SGCD: variants seen among roughly 807,000 people sequenced by gnomAD.
SGCD encodes delta-sarcoglycan.
A neutral mutation model predicts 36.6 loss-of-function variants in SGCD; 18 were observed. That is an observed-to-expected ratio of 0.49 (90% CI 0.34 to 0.73). The LOEUF (loss-of-function observed/expected upper bound fraction) is 0.73. Ranked by LOEUF, SGCD falls within the 30% of genes least tolerant of loss-of-function variation. The probability of loss-of-function intolerance (pLI) is 0.01; values close to 1 mark genes in which losing one functional copy is unlikely to be tolerated. For synonymous variants in SGCD, 133 were observed against 130.6 expected, an observed-to-expected ratio of 1.02 and a Z score of -0.12; for missense variants, 387 against 346.7, an observed-to-expected ratio of 1.12 and a Z score of -0.92.
At chr5:156,092,839 T>C (rs552762496) in intron 1 of SGCD, among the ~76,000 whole-genome samples, 1 of 152,300 alleles carries the variant, frequency 6.6e-6, no homozygotes, top group African/African-American at 2.4e-5. Context: ...GGCCTCCCAG[T>C]TTTCACTCTA....
chr5:155,963,823 C>CT (rs1040374059), intron 1 of SGCD, among the ~76,000 whole-genome samples: 7 of 151,928 alleles, frequency 4.6e-5, no homozygotes, highest in Admixed American at 1.3e-4. Context: ...TATAATTTAT[C>CT]TTTTTTTGTA....
the SGCD span, among the ~76,000 whole-genome samples, chr5:155,763,636 G>T: frequency 6.6e-6 from 1 of 152,122 alleles, no homozygotes; most frequent in African/African-American, 2.4e-5. Context: ...GAGTGTGGCT[G>T]CATAAAGTAT....
rs112770479 is a variant in SGCD at position 155,885,426 on chromosome 5, T to G, written c.-282+15002T>G. Reference sequence around the variant, plus strand: ...ACCACTTGAAAACAGCTTATTGAGTTAGGAGGTGCAGCATTACGTCTATGT... The same window carrying G: ...ACCACTTGAAAACAGCTTATTGAGTGAGGAGGTGCAGCATTACGTCTATGT... On this transcript the variant is annotated intron_variant, in intron 1 of 9. Transcript: ENST00000517913. 3.1e-3 allele frequency among the ~76,000 whole-genome samples: 339 copies of G among 109,890 alleles called. 125 individuals carry two copies. The highest frequency in any genetic ancestry group is 0.015 in the African/African-American group (324 of 21,106). 72.1% of individuals were successfully genotyped at this position (109,890 alleles called of 152,430 possible). A position where few individuals can be genotyped will look rare whatever the true frequency, so the allele number is the denominator to read the frequency against.
chr5:155,903,466 C>T (rs1282785831), intron 1 of SGCD, among the ~76,000 whole-genome samples: 5 of 152,132 alleles, frequency 3.3e-5, no homozygotes, highest in East Asian at 3.9e-4. Context: ...GATCTTGAGT[C>T]AGGTAAACTC....
At chr5:155,750,772 T>A in the SGCD span, among the ~76,000 whole-genome samples, 126 of 152,344 alleles carry the variant, frequency 8.3e-4, no homozygotes, top group African/African-American at 3.0e-3. Context: ...TGGCCAAAGT[T>A]ACTTGGGAGT....
chr5:155,911,921 C>T (rs1172070177), intron 1 of SGCD, among the ~76,000 whole-genome samples: 1 of 152,096 alleles, frequency 6.6e-6, no homozygotes, highest in South Asian at 2.1e-4. Flanking sequence ...GCAGCCCTCT[C>T]TCTAAAGGAG....
intron 1 of SGCD, among the ~76,000 whole-genome samples, chr5:156,035,009 T>C (rs1014026218): frequency 3.9e-5 from 6 of 152,216 alleles, no homozygotes; most frequent in African/African-American, 1.4e-4. Context: ...TTATAATACA[T>C]AAATACCTTC....
chr5:156,485,047 G>C (rs1755596076), intron 3 of SGCD, among the ~76,000 whole-genome samples: 1 of 151,660 alleles, frequency 6.6e-6, no homozygotes, highest in Non-Finnish European at 1.5e-5. Flanking sequence ...ATTTTTACAA[G>C]TGTAAGAAGT....
intron 3 of SGCD, among the ~76,000 whole-genome samples, chr5:156,161,946 A>G (rs77813742): frequency 0.017 from 2,503 of 151,614 alleles, 34 homozygotes; most frequent in Non-Finnish European, 0.028. Context: ...AAATTCAGTC[A>G]CATGCAGTCA....
At chr5:156,416,732 C>G (rs1011492233) in intron 3 of SGCD, among the ~76,000 whole-genome samples, 2 of 152,094 alleles carry the variant, frequency 1.3e-5, no homozygotes, top group African/African-American at 2.4e-5. Context: ...AGAAATCATT[C>G]AAAGAATATT....
At chr5:156,139,623 G>A (rs1469841464) in intron 3 of SGCD, among the ~76,000 whole-genome samples, 1 of 152,114 alleles carries the variant, frequency 6.6e-6, no homozygotes, top group Non-Finnish European at 1.5e-5. Context: ...GTCTGTTGAA[G>A]ACCATTTCTT....
intron 1 of SGCD, among the ~76,000 whole-genome samples, chr5:156,051,415 T>C (rs1759912222): frequency 6.8e-6 from 1 of 146,444 alleles, no homozygotes; most frequent in Non-Finnish European, 1.5e-5. Context: ...AAATTTATAT[T>C]TGACCACATG....
At chr5:156,748,563 A>G (rs575850323) in intron 7 of SGCD, among the ~76,000 whole-genome samples, 1 of 152,368 alleles carries the variant, frequency 6.6e-6, no homozygotes, top group Non-Finnish European at 1.5e-5. Flanking sequence ...ATCACTATAT[A>G]TTAAGATAAA....
intron 3 of SGCD, among the ~76,000 whole-genome samples, chr5:156,392,162 AT>A (rs1771605243): frequency 6.6e-6 from 1 of 152,188 alleles, no homozygotes; most frequent in Non-Finnish European, 1.5e-5. Flanking sequence ...TCATCTCAGT[AT>A]AACAGTGATA....
intron 7 of SGCD, among the ~76,000 whole-genome samples, chr5:156,727,724 A>G (rs1211032211): frequency 1.3e-5 from 2 of 152,222 alleles, no homozygotes; most frequent in Non-Finnish European, 2.9e-5. Flanking sequence ...TGCCAATATT[A>G]CATGAGTCAT....
the SGCD span, among the ~76,000 whole-genome samples, chr5:155,733,457 T>C: frequency 6.6e-6 from 1 of 152,216 alleles, no homozygotes; most frequent in Non-Finnish European, 1.5e-5. Context: ...ATTTATCTTT[T>C]TGAATATTTT....
chr5:156,728,563 C>T (rs980883251), intron 7 of SGCD, among the ~76,000 whole-genome samples: 1 of 126,518 alleles, frequency 7.9e-6, no homozygotes, highest in East Asian at 2.6e-4. Context: ...ATGCTTAGAA[C>T]TGATAGAAGC....
intron 3 of SGCD, among the ~76,000 whole-genome samples, chr5:156,455,917 C>T (rs13162852): frequency 0.47 from 71,385 of 151,876 alleles, 16,902 homozygotes; most frequent in South Asian, 0.6. Context: ...AGAGATTAGA[C>T]TGATGCAGCT....
chr5:156,589,155 T>G, intron 4 of SGCD, 76 bp from the exon 5 acceptor site: 13 of 1,089,046 alleles, frequency 1.2e-5, no homozygotes, highest in Middle Eastern at 2.0e-4. Context: ...TTCAGCCCCT[T>G]GGAGAGTTGT....
Sources: gnomAD v4.1 joint callset for allele counts (sites outside exome capture counted in the v4.1 genomes callset) on GRCh38, gnomAD v4.1.1 for gene constraint, MANE v1.5 for transcripts, NCBI Gene and HGNC (gene_info 2026-07-23, HGNC 2026-07-21) for gene names.